Variants in VPS13B observed in about 807,000 individuals in gnomAD.
VPS13B encodes vacuolar protein sorting 13 homolog B, also known as intermembrane lipid transfer protein VPS13B.
A neutral mutation model predicts 426.4 loss-of-function variants in VPS13B; 285 were observed. That is an observed-to-expected ratio of 0.67 (90% CI 0.61 to 0.74). VPS13B has a LOEUF of 0.74. Among genes scored for constraint, VPS13B ranks in the 30% least tolerant of loss-of-function variants. The pLI is 0.00. For missense variants in VPS13B, 4,537 were observed against 4,782.6 expected (o/e 0.95, Z 1.51); for synonymous variants, 1,676 against 1,676.4 (o/e 1.00, Z 0.01).
At chr8:99,165,998 G>T (rs1811981028) in intron 15 of VPS13B, among the ~76,000 whole-genome samples, 1 of 151,840 alleles carries the variant, frequency 6.6e-6, no homozygotes, top group Non-Finnish European at 1.5e-5. Context: ...TTATTTTTTT[G>T]AGATCTAGTT....
intron 17 of VPS13B, among the ~76,000 whole-genome samples, chr8:99,248,556 AAG>A (rs1563625332): frequency 6.6e-6 from 1 of 152,148 alleles, no homozygotes; most frequent in African/African-American, 2.4e-5. Flanking sequence ...TTAGTCCATA[AAG>A]ATTTGCAGTG....
intron 30 of VPS13B, among the ~76,000 whole-genome samples, chr8:99,524,102 T>C (rs891034924): frequency 1.3e-5 from 2 of 152,038 alleles, no homozygotes; most frequent in African/African-American, 4.8e-5. Context: ...ATTAACATAC[T>C]GAATGCATCA....
intron 33 of VPS13B, among the ~76,000 whole-genome samples, chr8:99,597,628 T>C (rs1827084268): frequency 6.6e-6 from 1 of 152,022 alleles, no homozygotes; most frequent in Non-Finnish European, 1.5e-5. Flanking sequence ...CAGCCACTTG[T>C]GACCATGTGA....
chr8:99,855,425 C>T (rs1474153724), intron 56 of VPS13B, among the ~76,000 whole-genome samples: 4 of 152,014 alleles, frequency 2.6e-5, no homozygotes, highest in African/African-American at 9.7e-5. Flanking sequence ...TCTCAGGGTA[C>T]GTTATGGTAA....
At position 99,431,661 on chromosome 8, in the gene VPS13B, AC is replaced by A; in HGVS notation, c.3208del (p.Gln1070SerfsTer31). Reference protein sequence around the residue: ...VWNAVKHLTLQLEVQSCCVFI... With the variant: ...VWNAVKHLTLXLEVQSCCVFI... ...GGAATGCAGTGAAGCATCTCACACT[AC>A]AGGTAAAATAAAAGTTAGAAATATT... On this transcript the variant is annotated frameshift_variant and splice_region_variant, in exon 22 of 62. Coordinates refer to ENST00000357162, the MANE Select transcript of VPS13B (RefSeq NM_152564.5). LOFTEE classifies it high-confidence loss of function. 1 of 1,612,802 alleles carries A rather than the reference AC, an allele frequency of 6.2e-7. No homozygotes were observed.
intron 2 of VPS13B, among the ~76,000 whole-genome samples, chr8:99,014,692 CAA>C (rs574786628): frequency 0.016 from 984 of 61,182 alleles, 13 homozygotes; most frequent in African/African-American, 0.042. Context: ...GAAAAAAAGA[CAA>C]AAAAAAAAAA....
At chr8:99,857,534 G>A (rs547402480) in intron 56 of VPS13B, among the ~76,000 whole-genome samples, 1 of 152,282 alleles carries the variant, frequency 6.6e-6, no homozygotes, top group African/African-American at 2.4e-5. Flanking sequence ...TTTGCAGCCT[G>A]AGCTCACAGA....
chr8:99,175,240 A>G (rs186411198), intron 16 of VPS13B, among the ~76,000 whole-genome samples: 20 of 152,334 alleles, frequency 1.3e-4, no homozygotes. Flanking sequence ...ATTTCTCATC[A>G]AGTATTTTAA....
intron 16 of VPS13B, among the ~76,000 whole-genome samples, chr8:99,173,909 A>G (rs1812490669): frequency 6.6e-6 from 1 of 152,198 alleles, no homozygotes; most frequent in South Asian, 2.1e-4. Flanking sequence ...ATTTTGCTTA[A>G]AACAATTGCT....
chr8:99,412,736 A>T (rs1307658123), intron 21 of VPS13B, among the ~76,000 whole-genome samples: 4 of 152,148 alleles, frequency 2.6e-5, no homozygotes, highest in African/African-American at 7.2e-5. Context: ...TTATTTTGAG[A>T]TACATTCCAT....
rs537678935 is a variant in VPS13B at position 99,159,866 on chromosome 8, C to T, written c.2208+3123C>T. Among the ~76,000 whole-genome samples, 3 of 152,164 alleles carry T rather than the reference C, an allele frequency of 2.0e-5. No homozygotes were observed. The East Asian group carries it at 5.8e-4, about 29-fold the overall frequency. On this transcript the variant is annotated intron_variant, in intron 15 of 61. Coordinates refer to ENST00000357162, the MANE Select transcript of VPS13B (RefSeq NM_152564.5). Reference sequence around the variant, plus strand: ...GTAAGATGGGGTTTTGCCATGTTGCCCAGGCTGGTCTCGAATTCCTGAGCT... The same window carrying T: ...GTAAGATGGGGTTTTGCCATGTTGCTCAGGCTGGTCTCGAATTCCTGAGCT...
Position 99,121,213 on chromosome 8 carries a change from C to A in VPS13B, c.974C>A (p.Pro325His). 6.2e-7 allele frequency: 1 copy of A among 1,613,898 alleles called. No individual in the cohort carries two copies. Among genetic ancestry groups the A allele is most frequent in the South Asian group, 1.1e-5 (1 of 91,046 alleles). ...GAAACAAGAATAGATATGCAATATC[C>A]TGCTCAGCATAAAGGTCAAGAGTTA... ...EDETRIDMQY[P>H]AQHKGQELYS... is the part of the protein sequence containing the mutation. The change falls in exon 8 of 62, where the codon CCT becomes CAT. Residue 325 changes from proline (P) to histidine (H), a missense_variant. Physicochemically the swap from Pro to His is moderately conservative, Grantham distance 77. Coordinates refer to ENST00000357162, the MANE Select transcript of VPS13B (RefSeq NM_152564.5).
At chr8:99,648,995 A>G (rs931659721) in intron 34 of VPS13B, among the ~76,000 whole-genome samples, 1 of 151,620 alleles carries the variant, frequency 6.6e-6, no homozygotes, top group South Asian at 2.1e-4. Context: ...TGCTGGATGT[A>G]AAATTCTGGG....
chr8:99,591,164 C>CTTTTTTTT (rs376201526), intron 33 of VPS13B, among the ~76,000 whole-genome samples: 1 of 96,534 alleles, frequency 1.0e-5, no homozygotes, highest in African/African-American at 3.9e-5. Flanking sequence ...GCAACCGCTC[C>CTTTTTTTT]TTTTTTTTTT....
In VPS13B at chr8:99,507,807, G is replaced by A. The variant is rs776321717; in HGVS notation, c.4224+604G>A. The stretch of plus-strand genomic sequence containing the variant: ...GTGTTGGTCTTTGGGGCAATGTGGA[G>A]GTGTCTTCCTTTCCTGTACTGACAA... On this transcript the variant is annotated intron_variant, in intron 28 of 61. Transcript: ENST00000357162. 1.5e-5 allele frequency: 25 copies of A among 1,613,736 alleles called. No homozygotes were observed. The highest frequency in any genetic ancestry group is 2.0e-5 in the Non-Finnish European group (24 of 1,179,876).
intron 3 of VPS13B, among the ~76,000 whole-genome samples, chr8:99,041,250 G>T (rs560800513): frequency 3.9e-5 from 6 of 152,172 alleles, no homozygotes; most frequent in Non-Finnish European, 7.3e-5. Flanking sequence ...TCTGAGAGAT[G>T]TATCTATGTC....
intron 3 of VPS13B, among the ~76,000 whole-genome samples, chr8:99,086,535 C>A (rs1208754126): frequency 6.6e-6 from 1 of 152,180 alleles, no homozygotes; most frequent in Non-Finnish European, 1.5e-5. Flanking sequence ...GAGAGGTGCT[C>A]TGATTTTTAG....
Position 99,037,446 on chromosome 8 carries a change from T to C in VPS13B, c.148-977T>C, listed in dbSNP as rs1306103783. The stretch of plus-strand genomic sequence containing the variant: ...ATACAAATTTTACAGATAATGAAAC[T>C]GAGGCACAGATACAATAAACTGTCT... On this transcript the variant is annotated intron_variant, in intron 2 of 61. Transcript: ENST00000357162. 3.3e-5 allele frequency among the ~76,000 whole-genome samples: 5 copies of C among 152,104 alleles called. No homozygotes were observed. In the East Asian group the frequency reaches 9.6e-4, roughly 29 times the overall value.
intron 23 of VPS13B, among the ~76,000 whole-genome samples, chr8:99,451,340 C>G (rs73271307): frequency 0.013 from 2,003 of 152,230 alleles, 40 homozygotes; most frequent in African/African-American, 0.046. Flanking sequence ...TTGTCCCATT[C>G]ATTCAACAAA....
Sources: gnomAD v4.1 joint callset for allele counts (sites outside exome capture counted in the v4.1 genomes callset) on GRCh38, gnomAD v4.1.1 for gene constraint, MANE v1.5 for transcripts, NCBI Gene and HGNC (gene_info 2026-07-23, HGNC 2026-07-21) for gene names.